Variants in NUP93 observed in about 807,000 individuals in gnomAD.
NUP93 encodes nuclear pore complex protein Nup93.
In NUP93, 55 loss-of-function variants were observed where a neutral mutation model predicts 107.8. The observed-to-expected ratio is 0.51, with a 90% CI of 0.41 to 0.64. The LOEUF is 0.64. Ranked by LOEUF, NUP93 falls within the 30% of genes least tolerant of loss-of-function variation. NUP93 has a pLI of 0.00. For missense variants in NUP93, 937 were observed against 1,044.7 expected (o/e 0.90, Z 1.42); for synonymous variants, 390 against 397.5 (o/e 0.98, Z 0.22).
chr16:56,750,091 T>C (rs1961891515), intron 2 of NUP93, among the ~76,000 whole-genome samples: 1 of 152,270 alleles, frequency 6.6e-6, no homozygotes, highest in Non-Finnish European at 1.5e-5. Context: ...GCATCAGCTT[T>C]ACAGCCTATT....
At chr16:56,798,455 T>G in intron 3 of NUP93, 21 bp from the exon 4 acceptor site, 1 of 1,609,074 alleles carries the variant, frequency 6.2e-7, no homozygotes, top group African/African-American at 1.3e-5. Context: ...TTAAGTTGTG[T>G]TAATTTTCCC....
intron 3 of NUP93, among the ~76,000 whole-genome samples, chr16:56,773,969 A>G (rs1271353777): frequency 1.3e-5 from 2 of 152,236 alleles, no homozygotes; most frequent in African/African-American, 2.4e-5. Context: ...TGTTTAAAAC[A>G]TATATATTTA....
intron 1 of NUP93, chr16:56,741,739 A>G (rs895468090): frequency 1.3e-5 from 2 of 152,342 alleles, no homozygotes; most frequent in South Asian, 4.1e-4. Flanking sequence ...CCCTTTGACA[A>G]CATCAAAAAA....
intron 1 of NUP93, among the ~76,000 whole-genome samples, chr16:56,740,539 A>G (rs1174309361): frequency 6.8e-6 from 1 of 148,124 alleles, no homozygotes; most frequent in Non-Finnish European, 1.5e-5. Flanking sequence ...CTCACTTTCC[A>G]GACTGGGCAG....
intron 2 of NUP93, 120 bp from the exon 3 acceptor site, chr16:56,758,418 G>A: frequency 2.7e-6 from 2 of 746,600 alleles, no homozygotes; most frequent in South Asian, 1.5e-5. Context: ...TGTCTGGACA[G>A]TATATAGGAA....
intron 5 of NUP93, among the ~76,000 whole-genome samples, chr16:56,816,100 A>G (rs1596833697): frequency 1.3e-5 from 2 of 152,158 alleles, no homozygotes; most frequent in African/African-American, 2.4e-5. Flanking sequence ...TTCCTACTGA[A>G]GTGAACTTGG....
intron 18 of NUP93, 25 bp from the exon 19 acceptor site, chr16:56,838,926 AC>A (rs1963965351): frequency 6.6e-7 from 1 of 1,504,336 alleles, no homozygotes; most frequent in African/African-American, 1.4e-5. Context: ...CACTCTTACT[AC>A]CCCCACCCCG....
rs909543382 is a variant in NUP93, at chr16:56,834,267, T to G, written c.1664+13T>G. ...TCTATTTCCTCAGGTAACATTTGCT[T>G]TTGACCATTTACTTCAGCTAGTTTC... is the stretch of plus-strand genomic sequence containing the variant. On this transcript the variant is annotated intron_variant, in intron 14 of 21. Coordinates refer to ENST00000308159, the MANE Select transcript of NUP93 (RefSeq NM_014669.5). 1 of 1,613,860 alleles carries G rather than the reference T, an allele frequency of 6.2e-7. No individual in the cohort carries two copies. Among genetic ancestry groups the G allele is most frequent in the Non-Finnish European group, 8.5e-7 (1 of 1,179,712 alleles).
At position 56,821,579 on chromosome 16, in the gene NUP93, G is replaced by A; in HGVS notation, c.640G>A (p.Glu214Lys). 6.2e-7 allele frequency: 1 copy of A among 1,612,436 alleles called. No homozygotes were observed. The highest frequency in any genetic ancestry group is 1.3e-5 in the African/African-American group (1 of 74,990). Residue 214 changes from glutamate to lysine, a missense_variant, in exon 7 of 22, where the codon GAG becomes AAG. Physicochemically the swap from Glu to Lys is moderately conservative, Grantham distance 56 (BLOSUM62 1). Coordinates refer to ENST00000308159, the MANE Select transcript of NUP93 (RefSeq NM_014669.5). ...NLVDLCASVAELDDKSISDMW... is the reference protein window; with the variant it reads ...NLVDLCASVAKLDDKSISDMW... ...GGTGGACCTTTGTGCTTCCGTCGCA[G>A]AGCTCGATGATAAGGTAGCACCTAG... is the stretch of plus-strand genomic sequence containing the variant.
chr16:56,815,640 A>G (rs1184392885), intron 5 of NUP93, among the ~76,000 whole-genome samples: 2 of 152,114 alleles, frequency 1.3e-5, no homozygotes, highest in Admixed American at 1.3e-4. Flanking sequence ...TATTGACCAT[A>G]TCTTGGACAC....
intron 17 of NUP93, 29 bp downstream of exon 17, chr16:56,836,746 A>G (rs200784055): frequency 7.0e-7 from 1 of 1,422,074 alleles, no homozygotes; most frequent in Non-Finnish European, 9.9e-7. Flanking sequence ...CTTCTTTTGC[A>G]CTTCACAGGT....
chr16:56,730,628 T>C (rs773653210), intron 1 of NUP93, among the ~76,000 whole-genome samples: 1 of 152,104 alleles, frequency 6.6e-6, no homozygotes, highest in Admixed American at 6.5e-5. Flanking sequence ...GGACACACCC[T>C]GTAGGGAGGC....
At chr16:56,769,463 C>T (rs1962280477) in intron 3 of NUP93, among the ~76,000 whole-genome samples, 1 of 152,086 alleles carries the variant, frequency 6.6e-6, no homozygotes, top group South Asian at 2.1e-4. Context: ...ACAGAAAGAC[C>T]AAACCTGCTT....
At chr16:56,823,567 A>T in intron 7 of NUP93, 140 bp from the exon 8 acceptor site, 2 of 1,004,436 alleles carry the variant, frequency 2.0e-6, no homozygotes, top group Non-Finnish European at 3.0e-6. Flanking sequence ...CACTGAGCTT[A>T]AGCCTAGCCG....
intron 3 of NUP93, among the ~76,000 whole-genome samples, chr16:56,798,023 G>A (rs1962937953): frequency 6.6e-6 from 1 of 152,156 alleles, no homozygotes; most frequent in Admixed American, 6.5e-5. Flanking sequence ...CCAGATATTG[G>A]CCAACAAGTG....
At position 56,844,887 on chromosome 16, in the gene NUP93, A is replaced by T. The variant is rs1402255781; in HGVS notation, c.*278A>T. ...GGCCAGGGAATGAGAGGCTATGTAG[A>T]TATTCATTATTTGGTTAAATTGACC... On this transcript the variant is annotated 3_prime_UTR_variant, in exon 22 of 22. Coordinates refer to ENST00000308159, the MANE Select transcript of NUP93 (RefSeq NM_014669.5). 5.1e-6 allele frequency: 2 copies of T among 394,988 alleles called. No individual in the cohort carries two copies. The highest frequency in any genetic ancestry group is 8.9e-6 in the Non-Finnish European group (2 of 224,376). 24.5% of individuals were successfully genotyped at this position (394,988 alleles called of 1,614,324 possible).
chr16:56,837,557 TTTTATTGATTAC>T (rs61269888), intron 17 of NUP93, 39 bp from the exon 18 acceptor site: 181,417 of 1,455,246 alleles, frequency 0.12, 11,863 homozygotes, highest in South Asian at 0.19. Flanking sequence ...TAGTTGTTCC[TTTTATTGATTAC>T]TTTATTGATT....
chr16:56,747,384 A>G (rs11862211), intron 1 of NUP93, among the ~76,000 whole-genome samples: 32,241 of 152,196 alleles, frequency 0.21, 3,578 homozygotes, highest in Middle Eastern at 0.34. Flanking sequence ...AGAACCTTAT[A>G]TAAGAATAGT....
intron 3 of NUP93, among the ~76,000 whole-genome samples, chr16:56,794,102 A>G (rs1185462110): frequency 6.6e-6 from 1 of 151,034 alleles, no homozygotes; most frequent in Non-Finnish European, 1.5e-5. Flanking sequence ...AGATAGATAG[A>G]TAGATAGATA....
Sources: allele counts gnomAD v4.1 joint callset (sites outside exome capture counted in the v4.1 genomes callset), GRCh38; gene constraint gnomAD v4.1.1; transcripts MANE v1.5; gene names NCBI Gene and HGNC (gene_info 2026-07-23, HGNC 2026-07-21).